The following HAPLN3 variants were observed in gnomAD, a reference collection of about 807,000 sequenced individuals.
The protein encoded by HAPLN3 is hyaluronan and proteoglycan link protein 3, also known as extracellular link domain containing, 1.
HAPLN3 carries 28 observed loss-of-function variants against 28.1 expected under a neutral mutation model. That is an observed-to-expected ratio of 1.00 (90% CI 0.74 to 1.37). The LOEUF is 1.37. Among genes scored for constraint, HAPLN3 ranks in the 40% most tolerant of loss-of-function variants. The pLI is 0.00. For missense variants in HAPLN3, 513 were observed against 504.6 expected (o/e 1.02, Z -0.16); for synonymous variants, 211 against 213.1 (o/e 0.99, Z 0.09).
chr15:88,886,834 C>CA (rs748404446), intron 2 of HAPLN3, among the ~76,000 whole-genome samples: 94 of 151,974 alleles, frequency 6.2e-4, no homozygotes, highest in Non-Finnish European at 9.4e-4. Flanking sequence ...CAAAAACAAA[C>CA]AAAAAAAACA....
At chr15:88,885,744 C>T (rs777376427) in intron 2 of HAPLN3, among the ~76,000 whole-genome samples, 4 of 152,108 alleles carry the variant, frequency 2.6e-5, no homozygotes, top group Admixed American at 6.5e-5. Context: ...TGTGAGTCAC[C>T]GCGCCTGGCC....
Position 88,880,217 on chromosome 15 carries a change from T to C in HAPLN3, c.494-948A>G. 1 of 995,054 alleles carries C rather than the reference T, an allele frequency of 1.0e-6. No homozygotes were observed. Among genetic ancestry groups the C allele is most frequent in the Non-Finnish European group, 1.2e-6 (1 of 836,164 alleles). 61.6% of individuals were successfully genotyped at this position (995,054 alleles called of 1,614,324 possible). Reference sequence around the variant, plus strand: ...TTCCTAGCCCTTGAAGCCCCGGGAATGGGGTGAGGGCTCCCTGTTTCTCTA... The same window carrying C: ...TTCCTAGCCCTTGAAGCCCCGGGAACGGGGTGAGGGCTCCCTGTTTCTCTA... On this transcript the variant is annotated intron_variant, in intron 3 of 4. Transcript: ENST00000359595. This position sits in a 1 kb window ranked among gnomAD's most constrained non-coding sequence, Gnocchi z 6.0.
Position 88,879,023 on chromosome 15 carries a change from G to C in HAPLN3, c.740C>G (p.Pro247Arg). 6 of 1,609,164 alleles carry C rather than the reference G, an allele frequency of 3.7e-6. No homozygotes were observed. Among genetic ancestry groups the C allele is most frequent in the Non-Finnish European group, 4.2e-6 (5 of 1,178,352 alleles). ...ATAGCGGTGCAGGCGGCGGTGGCGG[G>C]GGCCGTAGCTTCGCACGCCAGGTGC... is the stretch of plus-strand genomic sequence containing the variant. ...GLAPGVRSYG[P>R]RHRRLHRYDV... Residue 247 changes from proline (P) to arginine (R), a missense_variant, in exon 4 of 5, where the codon CCC (proline) becomes CGC (arginine). By Grantham distance (103) the Pro-to-Arg change is moderately radical. Coordinates refer to ENST00000359595, the MANE Select transcript of HAPLN3 (RefSeq NM_178232.4). The surrounding 1 kb of genome is among the most constrained non-coding windows in gnomAD (Gnocchi z 5.0).
At chr15:88,893,928 CAA>C (rs10706089) in intron 1 of HAPLN3, among the ~76,000 whole-genome samples, 9,805 of 106,184 alleles carry the variant, frequency 0.092, 518 homozygotes, top group East Asian at 0.2. Flanking sequence ...GACTCCATCT[CAA>C]AAAAAAAAAA....
intron 1 of HAPLN3, 56 bp from the exon 2 acceptor site, chr15:88,887,401 T>C: frequency 6.9e-7 from 1 of 1,455,796 alleles, no homozygotes; most frequent in Non-Finnish European, 9.3e-7. Flanking sequence ...AGGGCCCACA[T>C]CCCCTCTGCT....
At position 88,888,198 on chromosome 15, in the gene HAPLN3, T is replaced by C. The variant is rs563319973; in HGVS notation, c.-47-853A>G. Reference sequence around the variant, plus strand: ...CCTCCGCCTCCTGGGTTCAAGAAATTCTCCTGCCTCAGCCTCCCGAGTAGC... The same window carrying C: ...CCTCCGCCTCCTGGGTTCAAGAAATCCTCCTGCCTCAGCCTCCCGAGTAGC... On this transcript the variant is annotated intron_variant, in intron 1 of 4. Coordinates refer to ENST00000359595, the MANE Select transcript of HAPLN3 (RefSeq NM_178232.4). The surrounding 1 kb of genome is among the most constrained non-coding windows in gnomAD (Gnocchi z 4.1). 2.0e-5 allele frequency among the ~76,000 whole-genome samples: 3 copies of C among 150,670 alleles called. No homozygotes were observed. The highest frequency in any genetic ancestry group is 4.9e-5 in the African/African-American group (2 of 41,056).
intron 2 of HAPLN3, among the ~76,000 whole-genome samples, chr15:88,882,016 G>A (rs12908972): frequency 6.6e-6 from 1 of 152,208 alleles, no homozygotes; most frequent in Non-Finnish European, 1.5e-5. Flanking sequence ...TCTGAGCATA[G>A]GTCCCAGGGG....
rs1008360780 is a variant in HAPLN3, at chr15:88,879,297, G to A, written c.494-28C>T. 1 of 1,603,490 alleles carries A rather than the reference G, an allele frequency of 6.2e-7. No homozygotes were observed. Among genetic ancestry groups the A allele is most frequent in the Non-Finnish European group, 8.5e-7 (1 of 1,177,554 alleles). ...GCAGGGGAAGGAAAGAGGAGCTTAG[G>A]GGGTGGCCAGGGGCCCAGCTGGCTG... On this transcript the variant is annotated intron_variant, in intron 3 of 4. Coordinates refer to ENST00000359595, the MANE Select transcript of HAPLN3 (RefSeq NM_178232.4). This position sits in a 1 kb window ranked among gnomAD's most constrained non-coding sequence, Gnocchi z 5.0.
Position 88,881,819 on chromosome 15 carries a change from G to A in HAPLN3, c.125-94C>T. 7.1e-7 allele frequency: 1 copy of A among 1,406,588 alleles called. No homozygotes were observed. The highest frequency in any genetic ancestry group is 9.6e-7 in the Non-Finnish European group (1 of 1,046,170). The allele number at this position is 1,406,588 out of a possible 1,614,324, so 87.1% of individuals were successfully genotyped here. ...ACACCCTCATCCACGGCTCCTACAGGCTCAGATTGCAAAAATGGCCACCAT... is the reference window on the plus strand; with the variant it reads ...ACACCCTCATCCACGGCTCCTACAGACTCAGATTGCAAAAATGGCCACCAT... On this transcript the variant is annotated intron_variant, in intron 2 of 4. Coordinates refer to ENST00000359595, the MANE Select transcript of HAPLN3 (RefSeq NM_178232.4). The surrounding 1 kb of genome is among the most constrained non-coding windows in gnomAD (Gnocchi z 6.0).
rs1032611595 is a variant in HAPLN3, at chr15:88,887,347, T to C, written c.-47-2A>G. The C allele has an allele frequency of 5.6e-6, 9 of 1,608,350 alleles. No homozygotes were observed. Among genetic ancestry groups the C allele is most frequent in the Admixed American group, 1.7e-5 (1 of 58,710 alleles). ...GCCAGGCTGGGGCCCCAGGGCAAAC[T>C]GGGAAGGGGAGGAAAACAAGGCAAT... On this transcript the variant is annotated splice_acceptor_variant, in intron 1 of 4. Coordinates refer to ENST00000359595, the MANE Select transcript of HAPLN3 (RefSeq NM_178232.4). LOFTEE classifies it low-confidence loss of function (5UTR_SPLICE).
At chr15:88,884,185 AG>A (rs1897783026) in intron 2 of HAPLN3, among the ~76,000 whole-genome samples, 1 of 152,230 alleles carries the variant, frequency 6.6e-6, no homozygotes, top group African/African-American at 2.4e-5. Context: ...CAAAAGGGAA[AG>A]ACAAAAATGA....
At chr15:88,893,877 G>A (rs912087691) in intron 1 of HAPLN3, among the ~76,000 whole-genome samples, 2 of 147,582 alleles carry the variant, frequency 1.4e-5, no homozygotes, top group Non-Finnish European at 3.0e-5. Context: ...GCAGTGAGCC[G>A]AGATTGAGCC....
In HAPLN3 at chr15:88,880,093, C is replaced by T. The variant is rs1311344951; in HGVS notation, c.494-824G>A. 1.0e-6 allele frequency: 1 copy of T among 992,166 alleles called. No individual in the cohort carries two copies. Among genetic ancestry groups the T allele is most frequent in the Non-Finnish European group, 1.2e-6 (1 of 834,360 alleles). The allele number at this position is 992,166 out of a possible 1,614,324, so 61.5% of individuals were successfully genotyped here. A position where few individuals can be genotyped will look rare whatever the true frequency, so the allele number is the denominator to read the frequency against. Reference sequence around the variant, plus strand: ...CGGAAGCCAGGCACCTGGGCAAAGCCAGGTTGGGCGGCAGAGAAGCCCATG... The same window carrying T: ...CGGAAGCCAGGCACCTGGGCAAAGCTAGGTTGGGCGGCAGAGAAGCCCATG... On this transcript the variant is annotated intron_variant, in intron 3 of 4. Coordinates refer to ENST00000359595, the MANE Select transcript of HAPLN3 (RefSeq NM_178232.4). This position sits in a 1 kb window ranked among gnomAD's most constrained non-coding sequence, Gnocchi z 6.0.
At position 88,881,470 on chromosome 15, in the gene HAPLN3, T is replaced by C. The variant is rs564399526; in HGVS notation, c.380A>G (p.His127Arg). The change falls in exon 3 of 5, where the codon CAT (histidine) becomes CGT (arginine). Residue 127 changes from histidine to arginine, a missense_variant. By Grantham distance (29) the His-to-Arg change is conservative. Transcript: ENST00000359595. The surrounding 1 kb of genome is among the most constrained non-coding windows in gnomAD (Gnocchi z 6.0). ...ATCCTGGATCTCCAGCGAGACGTCA[T>C]GCTCTTTGTCCTGCCGCAGGTGCAC... ...GRVHLRQDKE[H>R]DVSLEIQDLR... The C allele has an allele frequency of 3.7e-6, 6 of 1,614,100 alleles. No individual in the cohort carries two copies. In the African/African-American group the frequency reaches 6.7e-5, roughly 18 times the overall value.
chr15:88,878,083 G>GGTAGCGGAC lies in HAPLN3; in HGVS notation c.961_969dup (p.Val321_Tyr323dup). ...CAGTTAGGATGCGGGTGAACCACAGGGTAGCGGACGCTACCATCTGCCAGC... is the reference window on the plus strand; with the variant it reads ...CAGTTAGGATGCGGGTGAACCACAGGGTAGCGGACGTAGCGGACGCTACCATCTGCCAGC... On this transcript the variant is annotated inframe_insertion, in exon 5 of 5. Transcript: ENST00000359595. 1.9e-6 allele frequency: 3 copies of GGTAGCGGAC among 1,614,026 alleles called. No individual in the cohort carries two copies. Among genetic ancestry groups the GGTAGCGGAC allele is most frequent in the Non-Finnish European group, 1.7e-6 (2 of 1,180,008 alleles).
In HAPLN3 at chr15:88,880,185, CCCCA is replaced by C. The variant is rs1897659992; in HGVS notation, c.494-920_494-917del. 4.0e-6 allele frequency: 4 copies of C among 995,040 alleles called. No homozygotes were observed. In the African/African-American group the frequency reaches 7.0e-5, roughly 17 times the overall value. 61.6% of individuals were successfully genotyped at this position (995,040 alleles called of 1,614,324 possible). On this transcript the variant is annotated intron_variant, in intron 3 of 4. Coordinates refer to ENST00000359595, the MANE Select transcript of HAPLN3 (RefSeq NM_178232.4). The surrounding 1 kb of genome is among the most constrained non-coding windows in gnomAD (Gnocchi z 6.0). ...GGGGACTATTTCATGCCTGGTTCCA[CCCCA>C]AATTCCTAGCCCTTGAAGCCCCGGG...
intron 2 of HAPLN3, among the ~76,000 whole-genome samples, chr15:88,885,715 T>G (rs2141666242): frequency 6.6e-6 from 1 of 152,160 alleles, no homozygotes; most frequent in Non-Finnish European, 1.5e-5. Flanking sequence ...TCGGCCTCCT[T>G]AAGTGCTGGG....
chr15:88,893,952 G>C (rs865997800), intron 1 of HAPLN3, among the ~76,000 whole-genome samples: 12 of 38,812 alleles, frequency 3.1e-4, no homozygotes, highest in Admixed American at 1.0e-3. Context: ...AAGTTGGGGT[G>C]GGGGGGGCGG....
At position 88,879,520 on chromosome 15, in the gene HAPLN3, A is replaced by C; in HGVS notation, c.494-251T>G. On this transcript the variant is annotated intron_variant, in intron 3 of 4. Transcript: ENST00000359595. The surrounding 1 kb of genome is among the most constrained non-coding windows in gnomAD (Gnocchi z 5.0). The stretch of plus-strand genomic sequence containing the variant: ...AATTAATTAGTCCATTAATGTCCCC[A>C]ACAATGTCCCCAACCTAATCCGCAA... The C allele has an allele frequency of 6.7e-7, 1 of 1,489,280 alleles. No homozygotes were observed. The highest frequency in any genetic ancestry group is 9.0e-7 in the Non-Finnish European group (1 of 1,117,038). The allele number at this position is 1,489,280 out of a possible 1,614,324, so 92.3% of individuals were successfully genotyped here.
Sources: gnomAD v4.1 joint callset for allele counts (sites outside exome capture counted in the v4.1 genomes callset) on GRCh38, gnomAD v4.1.1 for gene constraint, Gnocchi (gnomAD v3.1) non-coding constraint, MANE v1.5 for transcripts, NCBI Gene and HGNC (gene_info 2026-07-23, HGNC 2026-07-21) for gene names.